TRIP4: variants seen among roughly 807,000 people sequenced by gnomAD.
TRIP4 encodes thyroid hormone receptor interactor 4, also known as activating signal cointegrator 1.
TRIP4 carries 54 observed loss-of-function variants against 81.8 expected under a neutral mutation model. That is an observed-to-expected ratio of 0.66 (90% CI 0.53 to 0.83). The LOEUF is 0.83. Ranked by LOEUF, TRIP4 falls within the 40% of genes least tolerant of loss-of-function variation. The pLI is 0.00. For synonymous variants in TRIP4, 270 were observed against 242.8 expected (o/e 1.11, Z -1.04); for missense variants, 662 against 683.6 (o/e 0.97, Z 0.35).
intron 4 of TRIP4, among the ~76,000 whole-genome samples, chr15:64,400,202 G>A (rs965252154): frequency 2.0e-5 from 3 of 151,394 alleles, no homozygotes; most frequent in Admixed American, 2.0e-4. Flanking sequence ...CATTGCTTTC[G>A]GAGGCTGAGG....
intron 4 of TRIP4, among the ~76,000 whole-genome samples, chr15:64,398,023 C>T (rs1384408685): frequency 6.6e-6 from 1 of 151,986 alleles, no homozygotes; most frequent in Non-Finnish European, 1.5e-5. Context: ...GCCTCAGCCT[C>T]CCGAGCAGCT....
At chr15:64,388,211 A>G (rs759892577) in intron 1 of TRIP4, among the ~76,000 whole-genome samples, 7 of 152,202 alleles carry the variant, frequency 4.6e-5, no homozygotes, top group Non-Finnish European at 2.9e-5. Context: ...ATAATTAGAA[A>G]TGCAAGGCTG....
At position 64,387,902 on chromosome 15, in the gene TRIP4, G is replaced by A. The variant is rs899166989; in HGVS notation, c.39G>A (p.Val13=). ...GGGCGGTGTCCGGGGAGCCGCTGGT[G>A]CACTGGTGCACCCAGCAGTTGCGGA... ...VAGAVSGEPL[V]HWCTQQLRKT... is the part of the protein sequence containing the mutation. The change falls in exon 1 of 13, where the codon GTG becomes GTA. Residue 13 remains valine, a synonymous_variant. Transcript: ENST00000261884. 6.5e-7 allele frequency: 1 copy of A among 1,550,368 alleles called. No homozygotes were observed. Among genetic ancestry groups the A allele is most frequent in the East Asian group, 2.4e-5 (1 of 40,950 alleles).
chr15:64,443,397 T>A lies in TRIP4; in HGVS notation c.1576-1609T>A. Reference sequence around the variant, plus strand: ...AGCTGTTGATTGTCCTTTGCCTCAATGGTCTCTAAGCCACAGGGAAGGAAA... The same window carrying A: ...AGCTGTTGATTGTCCTTTGCCTCAAAGGTCTCTAAGCCACAGGGAAGGAAA... On this transcript the variant is annotated intron_variant, in intron 11 of 12. Coordinates refer to ENST00000261884, the MANE Select transcript of TRIP4 (RefSeq NM_016213.5). Among the ~76,000 whole-genome samples the A allele has an allele frequency of 1.3e-5, 2 of 152,226 alleles. 1 individual carries two copies. The highest frequency in any genetic ancestry group is 3.8e-4 in the East Asian group (2 of 5,202).
rs983007855 is a variant in TRIP4, at chr15:64,387,959, C to G, written c.96C>G (p.Ile32Met). The G allele has an allele frequency of 6.5e-7, 1 of 1,550,292 alleles. No homozygotes were observed. The highest frequency in any genetic ancestry group is 2.4e-5 in the East Asian group (1 of 40,896). The change falls in exon 1 of 13, where the codon ATC becomes ATG. Residue 32 changes from isoleucine to methionine, a missense_variant. Coordinates refer to ENST00000261884, the MANE Select transcript of TRIP4 (RefSeq NM_016213.5). ...KTFGLDVSEE[I>M]IQYVLSIESA... is the part of the protein sequence containing the mutation. ...TCGGCCTGGATGTCAGCGAGGAGAT[C>G]ATTCAGTGAGAACAGTTCGGGTCCA...
At chr15:64,448,938 A>C (rs1042982490) in intron 12 of TRIP4, among the ~76,000 whole-genome samples, 1 of 152,158 alleles carries the variant, frequency 6.6e-6, no homozygotes, top group African/African-American at 2.4e-5. Context: ...GGTCAGGCAC[A>C]GTGGCTCATG....
At chr15:64,436,707 GC>G (rs1340874832) in intron 11 of TRIP4, among the ~76,000 whole-genome samples, 8 of 30,096 alleles carry the variant, frequency 2.7e-4, no homozygotes, top group Admixed American at 6.4e-4. Context: ...TTCTATTACT[GC>G]TTTTTTTTTT....
intron 11 of TRIP4, among the ~76,000 whole-genome samples, chr15:64,429,247 G>A (rs537213867): frequency 1.6e-4 from 25 of 152,174 alleles, no homozygotes; most frequent in African/African-American, 6.0e-4. Context: ...AACCTGGGAG[G>A]CAGAGGTTGC....
chr15:64,418,565 T>G lies in TRIP4; in HGVS notation c.1195T>G (p.Ser399Ala). 1 of 1,612,854 alleles carries G rather than the reference T, an allele frequency of 6.2e-7. No individual in the cohort carries two copies. The highest frequency in any genetic ancestry group is 8.5e-7 in the Non-Finnish European group (1 of 1,179,984). ...GTGGGTTGACCACACAGGTGCAGCC[T>G]CACAGAAGAAGGCTTTCCGTTCTTC... is the stretch of plus-strand genomic sequence containing the variant. ...PQWVDHTGAA[S>A]QKKAFRSSGF... The change falls in exon 9 of 13, where the codon TCA becomes GCA. Residue 399 changes from serine (S) to alanine (A), a missense_variant. Physicochemically the swap from Ser to Ala is moderately conservative, Grantham distance 99. Transcript: ENST00000261884.
intron 11 of TRIP4, among the ~76,000 whole-genome samples, chr15:64,426,021 T>G (rs1892134249): frequency 6.6e-6 from 1 of 152,004 alleles, no homozygotes; most frequent in Non-Finnish European, 1.5e-5. Context: ...AGATGGAGGT[T>G]GCATTGAGCT....
At chr15:64,433,037 G>A (rs1245001425) in intron 11 of TRIP4, among the ~76,000 whole-genome samples, 4 of 152,112 alleles carry the variant, frequency 2.6e-5, no homozygotes, top group Non-Finnish European at 4.4e-5. Context: ...GTCCTCAGAT[G>A]TTTGAAAGAC....
rs1899995187 is a variant in TRIP4 at position 64,387,918 on chromosome 15, C to T, written c.55C>T (p.Gln19Ter). 1.3e-6 allele frequency: 2 copies of T among 1,550,848 alleles called. No individual in the cohort carries two copies. The highest frequency in any genetic ancestry group is 1.7e-4 in the Middle Eastern group (1 of 5,962). Residue 19 changes from glutamine (Q) to a stop codon, truncating the protein, a stop_gained, in exon 1 of 13, where the codon CAG (glutamine) becomes TAG (stop). Coordinates refer to ENST00000261884, the MANE Select transcript of TRIP4 (RefSeq NM_016213.5). LOFTEE classifies it high-confidence loss of function. ...GCCGCTGGTGCACTGGTGCACCCAG[C>T]AGTTGCGGAAGACTTTCGGCCTGGA... Reference protein sequence around the residue: ...GEPLVHWCTQQLRKTFGLDVS... With the variant: ...GEPLVHWCTQ
Position 64,414,185 on chromosome 15 carries a change from C to T in TRIP4, c.1144C>T (p.Pro382Ser), listed in dbSNP as rs201642923. The T allele has an allele frequency of 6.2e-7, 1 of 1,614,086 alleles. No homozygotes were observed. Among genetic ancestry groups the T allele is most frequent in the Non-Finnish European group, 8.5e-7 (1 of 1,179,998 alleles). Reference sequence around the variant, plus strand: ...AGAGCCTTTGGGAGTTCTGGTAAATCCCAACATGTACCAGTCCCCTCCCCA... The same window carrying T: ...AGAGCCTTTGGGAGTTCTGGTAAATTCCAACATGTACCAGTCCCCTCCCCA... The part of the protein sequence containing the change: ...SEEPLGVLVN[P>S]NMYQSPPQWV... Residue 382 changes from proline to serine, a missense_variant, in exon 8 of 13, where the codon CCC becomes TCC. Pro to Ser is a moderately conservative substitution (Grantham distance 74, BLOSUM62 -1). Transcript: ENST00000261884.
intron 11 of TRIP4, among the ~76,000 whole-genome samples, chr15:64,430,067 C>T (rs1452347104): frequency 3.3e-5 from 5 of 152,110 alleles, no homozygotes; most frequent in African/African-American, 7.2e-5. Flanking sequence ...AAAAGAAAAT[C>T]GAAAAGGTTT....
At chr15:64,399,953 T>C (rs72758953) in intron 4 of TRIP4, among the ~76,000 whole-genome samples, 7,072 of 144,306 alleles carry the variant, frequency 0.049, 224 homozygotes, top group South Asian at 0.086. Flanking sequence ...CCAGTCTGGG[T>C]GACAAAGCCA....
intron 4 of TRIP4, among the ~76,000 whole-genome samples, chr15:64,400,004 A>C (rs1596338001): frequency 6.6e-6 from 1 of 151,670 alleles, no homozygotes; most frequent in East Asian, 2.0e-4. Context: ...AAAAAGAAAA[A>C]ATAACGTACT....
At chr15:64,412,900 G>A (rs1891799776) in intron 7 of TRIP4, among the ~76,000 whole-genome samples, 1 of 152,102 alleles carries the variant, frequency 6.6e-6, no homozygotes, top group South Asian at 2.1e-4. Flanking sequence ...TTCTTTTATA[G>A]GTTTAGAGCC....
chr15:64,430,378 T>A (rs552789499), intron 11 of TRIP4, among the ~76,000 whole-genome samples: 15 of 152,376 alleles, frequency 9.8e-5, no homozygotes, highest in Admixed American at 9.1e-4. Context: ...AAGGAGCCCA[T>A]GCTGTTTGCC....
chr15:64,441,867 G>T (rs1266483093), intron 11 of TRIP4, among the ~76,000 whole-genome samples: 5 of 152,162 alleles, frequency 3.3e-5, no homozygotes, highest in Admixed American at 6.5e-5. Context: ...TTTAAATAGG[G>T]TTATCAAGAA....
Sources: gnomAD v4.1 joint callset for allele counts (sites outside exome capture counted in the v4.1 genomes callset) on GRCh38, gnomAD v4.1.1 for gene constraint, MANE v1.5 for transcripts, NCBI Gene and HGNC (gene_info 2026-07-23, HGNC 2026-07-21) for gene names.